Variants in COPB1 observed in about 807,000 individuals in gnomAD.
The protein encoded by COPB1 is coatomer subunit beta.
A neutral mutation model predicts 108.7 loss-of-function variants in COPB1; 21 were observed. That is an observed-to-expected ratio of 0.19 (90% CI 0.14 to 0.28). COPB1 has a LOEUF of 0.28. Among genes scored for constraint, COPB1 ranks in the 10% least tolerant of loss-of-function variants. The pLI is 1.00. For missense variants in COPB1, 919 were observed against 1,141.3 expected (o/e 0.81, Z 2.81); for synonymous variants, 378 against 386.8 (o/e 0.98, Z 0.27).
rs144392613 is a variant in COPB1 at position 14,476,383 on chromosome 11, T to G, written c.1456-438A>C. Among the ~76,000 whole-genome samples, 1,387 of 152,342 alleles carry G rather than the reference T, an allele frequency of 9.1e-3. 16 individuals carry two copies. Among genetic ancestry groups the G allele is most frequent in the African/African-American group, 0.032 (1,317 of 41,576 alleles). On this transcript the variant is annotated intron_variant, in intron 12 of 21. Transcript: ENST00000439561. ...TCCGACTTATTTGTACATAATAACC[T>G]CATCAACTAACTTTTAAATTAACTG...
intron 12 of COPB1, 120 bp from the exon 13 acceptor site, chr11:14,476,065 A>G: frequency 1.3e-6 from 1 of 796,578 alleles, no homozygotes; most frequent in South Asian, 2.1e-5. Context: ...TGGAACTGGG[A>G]ACTCTGCTTT....
In COPB1 at chr11:14,498,987, T is replaced by C. The variant is rs2290169; in HGVS notation, c.-57-2A>G. ...CAAGATTTAAGGATGCCAGAAAATCTAGAAAAATAAACACAGACATATCAT... is the reference window on the plus strand; with the variant it reads ...CAAGATTTAAGGATGCCAGAAAATCCAGAAAAATAAACACAGACATATCAT... On this transcript the variant is annotated splice_acceptor_variant, in intron 1 of 21. Coordinates refer to ENST00000439561, the MANE Select transcript of COPB1 (RefSeq NM_001144061.2). LOFTEE classifies it low-confidence loss of function (5UTR_SPLICE). 9.2e-4 allele frequency: 1,269 copies of C among 1,374,766 alleles called. 35 individuals carry two copies. In the East Asian group the frequency reaches 0.029, roughly 31 times the overall value. 85.2% of individuals were successfully genotyped at this position (1,374,766 alleles called of 1,614,324 possible).
At chr11:14,476,114 T>C (rs556599869) in intron 12 of COPB1, among the ~76,000 whole-genome samples, 169 bp from the exon 13 acceptor site, 24 of 152,308 alleles carry the variant, frequency 1.6e-4, no homozygotes, top group Admixed American at 7.2e-4. Context: ...GTAGGTAGAA[T>C]AGGGGCTTCA....
rs373697504 is a variant in COPB1, at chr11:14,494,451, ATTTT to A, written c.92-16_92-13del. 1.1e-5 allele frequency: 15 copies of A among 1,354,368 alleles called. No individual in the cohort carries two copies. In the African/African-American group the frequency reaches 1.9e-4, roughly 17 times the overall value. 83.9% of individuals were successfully genotyped at this position (1,354,368 alleles called of 1,614,324 possible). A position where few individuals can be genotyped will look rare whatever the true frequency, so the allele number is the denominator to read the frequency against. ...TACATCTCCTTTTTCTGAATCAAAAATTTTTTTAAAAAAAAGCACAATTATTTCA... is the reference window on the plus strand; with the variant it reads ...TACATCTCCTTTTTCTGAATCAAAAATTTAAAAAAAAGCACAATTATTTCA... On this transcript the variant is annotated splice_polypyrimidine_tract_variant and intron_variant, in intron 2 of 21. Coordinates refer to ENST00000439561, the MANE Select transcript of COPB1 (RefSeq NM_001144061.2).
Position 14,460,255 on chromosome 11 carries a change from G to C in COPB1, c.2599C>G (p.Gln867Glu). The change falls in exon 20 of 22, where the codon CAG (glutamine) becomes GAG (glutamate). Residue 867 changes from glutamine to glutamate, a missense_variant. Physicochemically the swap from Gln to Glu is conservative, Grantham distance 29. This residue lies in a region of COPB1 where 705 missense variants were observed against 817.8 expected (regional missense o/e 0.86). Coordinates refer to ENST00000439561, the MANE Select transcript of COPB1 (RefSeq NM_001144061.2). ...TNMVDLNDYL[Q>E]HILKSTNMKC... Reference sequence around the variant, plus strand: ...ATATTGGTTGACTTTAATATGTGCTGTAAGTAGTCATTTAAATCAACCATG... The same window carrying C: ...ATATTGGTTGACTTTAATATGTGCTCTAAGTAGTCATTTAAATCAACCATG... 6.2e-7 allele frequency: 1 copy of C among 1,611,548 alleles called. No homozygotes were observed. Among genetic ancestry groups the C allele is most frequent in the Non-Finnish European group, 8.5e-7 (1 of 1,178,686 alleles).
At position 14,495,194 on chromosome 11, in the gene COPB1, G is replaced by A. The variant is rs564107956; in HGVS notation, c.92-755C>T. Among the ~76,000 whole-genome samples, 3 of 152,232 alleles carry A rather than the reference G, an allele frequency of 2.0e-5. No homozygotes were observed. In the East Asian group the frequency reaches 5.8e-4, roughly 29 times the overall value. Reference sequence around the variant, plus strand: ...CACACCATTATCATTGCATACTGAAGAATTTATAGTACTAAAAATCTTCTG... The same window carrying A: ...CACACCATTATCATTGCATACTGAAAAATTTATAGTACTAAAAATCTTCTG... On this transcript the variant is annotated intron_variant, in intron 2 of 21. Transcript: ENST00000439561.
chr11:14,493,425 C>G (rs112155379), intron 4 of COPB1, among the ~76,000 whole-genome samples: 1 of 152,160 alleles, frequency 6.6e-6, no homozygotes, highest in Non-Finnish European at 1.5e-5. Context: ...AAGGGGGTTA[C>G]TGTTATACAA....
chr11:14,474,500 G>T lies in COPB1; in HGVS notation c.1732C>A (p.Gln578Lys). The change falls in exon 14 of 22, where the codon CAA becomes AAA. Residue 578 changes from glutamine to lysine, a missense_variant. Transcript: ENST00000439561. ...TGTAAAATAAATGAACTTACATTTTGCTTTTTCTTCTCCTGAACCAAAGCT... is the reference window on the plus strand; with the variant it reads ...TGTAAAATAAATGAACTTACATTTTTCTTTTTCTTCTCCTGAACCAAAGCT... ...YVALVQEKKK[Q>K]NSFVAEAMLL... The T allele has an allele frequency of 1.2e-6, 2 of 1,611,940 alleles. No homozygotes were observed. The highest frequency in any genetic ancestry group is 1.7e-4 in the Middle Eastern group (1 of 6,050).
chr11:14,472,966 C>T (rs1399950107), intron 14 of COPB1, among the ~76,000 whole-genome samples: 1 of 152,044 alleles, frequency 6.6e-6, no homozygotes, highest in Non-Finnish European at 1.5e-5. Context: ...AGCTATTTCG[C>T]TTTCTTTCTT....
chr11:14,463,972 T>C (rs1052352776), intron 18 of COPB1, among the ~76,000 whole-genome samples: 1 of 152,190 alleles, frequency 6.6e-6, no homozygotes, highest in Non-Finnish European at 1.5e-5. Flanking sequence ...CAACCTTCTA[T>C]AGTACTGTCG....
chr11:14,467,189 A>AC (rs1326238206), intron 16 of COPB1, among the ~76,000 whole-genome samples: 1 of 82,048 alleles, frequency 1.2e-5, no homozygotes, highest in Non-Finnish European at 2.5e-5. Context: ...TAAAATTCAA[A>AC]CAAAAAAAAC....
intron 8 of COPB1, among the ~76,000 whole-genome samples, chr11:14,481,931 G>T (rs1445873343): frequency 6.6e-6 from 1 of 152,108 alleles, no homozygotes; most frequent in Non-Finnish European, 1.5e-5. Flanking sequence ...TGGGACTACA[G>T]TTGCACACCA....
chr11:14,498,418 T>A lies in COPB1; in HGVS notation c.91+420A>T, dbSNP rs565456233. 1.2e-4 allele frequency among the ~76,000 whole-genome samples: 18 copies of A among 152,352 alleles called. No homozygotes were observed. The South Asian group carries it at 3.5e-3, about 30-fold the overall frequency. ...GGAAAATACATGTTTATTCCAGTGT[T>A]CACCTAATTGTTTGGGTGGGTAATC... On this transcript the variant is annotated intron_variant, in intron 2 of 21. Coordinates refer to ENST00000439561, the MANE Select transcript of COPB1 (RefSeq NM_001144061.2).
intron 14 of COPB1, among the ~76,000 whole-genome samples, chr11:14,472,190 G>T (rs1850422181): frequency 6.6e-6 from 1 of 152,182 alleles, no homozygotes; most frequent in Non-Finnish European, 1.5e-5. Context: ...GAAACTACTT[G>T]ATCAGTGGCA....
At chr11:14,484,491 G>A (rs932936931) in intron 7 of COPB1, among the ~76,000 whole-genome samples, 9 of 152,094 alleles carry the variant, frequency 5.9e-5, no homozygotes, top group African/African-American at 1.4e-4. Flanking sequence ...AGGTCGAGGC[G>A]GGTGGATCAC....
At chr11:14,479,214 T>C (rs1385065805) in intron 11 of COPB1, among the ~76,000 whole-genome samples, 1 of 152,116 alleles carries the variant, frequency 6.6e-6, no homozygotes, top group Non-Finnish European at 1.5e-5. Context: ...GAAAGACAGA[T>C]TTAGGTTGCA....
rs552407969 is a variant in COPB1, at chr11:14,493,926, C to T, written c.322-115G>A. On this transcript the variant is annotated intron_variant, in intron 3 of 21. Coordinates refer to ENST00000439561, the MANE Select transcript of COPB1 (RefSeq NM_001144061.2). ...ACGTTTGAGAAAAAACCTAGATTAC[C>T]GACAATTTCCATCATATTCTTGTTG... The T allele has an allele frequency of 5.4e-4, 508 of 932,852 alleles. 4 individuals are homozygous for T. In the South Asian group the frequency reaches 7.5e-3, roughly 14 times the overall value. The allele number at this position is 932,852 out of a possible 1,614,324, so 57.8% of individuals were successfully genotyped here.
chr11:14,473,690 C>T (rs911094756), intron 14 of COPB1, among the ~76,000 whole-genome samples: 18 of 151,896 alleles, frequency 1.2e-4, no homozygotes, highest in Admixed American at 7.9e-4. Context: ...AACAGATCAC[C>T]ATAACAGATG....
At position 14,482,488 on chromosome 11, in the gene COPB1, A is replaced by G. The variant is rs1346003758; in HGVS notation, c.957+544T>C. Among the ~76,000 whole-genome samples the G allele has an allele frequency of 3.9e-5, 6 of 152,368 alleles. No homozygotes were observed. In the East Asian group the frequency reaches 1.2e-3, roughly 29 times the overall value. On this transcript the variant is annotated intron_variant, in intron 8 of 21. Transcript: ENST00000439561. The stretch of plus-strand genomic sequence containing the variant: ...CACTGTCGCTAAGAATAGTCAATAC[A>G]GTACAAACCGAAAAGATAAAAAAAT...
Sources: gnomAD v4.1 joint callset for allele counts (sites outside exome capture counted in the v4.1 genomes callset) on GRCh38, gnomAD v4.1.1 for gene constraint, gnomAD v4.1.1 regional missense constraint, MANE v1.5 for transcripts, NCBI Gene and HGNC (gene_info 2026-07-23, HGNC 2026-07-21) for gene names.